Variants in RNF220 observed in about 807,000 individuals in gnomAD.
The protein encoded by RNF220 is ring finger protein 220.
Under a neutral mutation model 67.1 loss-of-function variants are expected in RNF220, and 7 were observed. The ratio of observed to expected loss-of-function variants is 0.10; its 90% CI spans 0.06 to 0.20. The LOEUF is 0.20. Ranked by LOEUF, RNF220 falls within the 10% of genes least tolerant of loss-of-function variation. The pLI is 1.00. For synonymous variants in RNF220, 270 were observed against 283.2 expected (o/e 0.95, Z 0.47); for missense variants, 565 against 740.3 (o/e 0.76, Z 2.75).
At chr1:44,638,511 A>G (rs1179165453) in intron 8 of RNF220, 2 of 152,240 alleles carry the variant, frequency 1.3e-5, no homozygotes, top group Non-Finnish European at 2.9e-5. Context: ...AATTGCAGAT[A>G]AGTTCCTGTA....
At chr1:44,570,990 C>A (rs965393221) in intron 2 of RNF220, among the ~76,000 whole-genome samples, 28 of 151,908 alleles carry the variant, frequency 1.8e-4, no homozygotes, top group African/African-American at 6.8e-4. Flanking sequence ...AGGAGAATCG[C>A]TTGAACCCAG....
chr1:44,428,474 T>A (rs914678125), intron 2 of RNF220, among the ~76,000 whole-genome samples: 1 of 152,100 alleles, frequency 6.6e-6, no homozygotes, highest in African/African-American at 2.4e-5. Context: ...GGGGAAAAAA[T>A]TGCTTTTGCT....
At chr1:44,409,956 A>G (rs981775112) in intron 1 of RNF220, among the ~76,000 whole-genome samples, 1 of 152,214 alleles carries the variant, frequency 6.6e-6, no homozygotes, top group African/African-American at 2.4e-5. Context: ...AATGAAGTAA[A>G]AGAGATGTGG....
At chr1:44,508,275 T>C (rs957591344) in intron 2 of RNF220, among the ~76,000 whole-genome samples, 3 of 152,014 alleles carry the variant, frequency 2.0e-5, no homozygotes, top group African/African-American at 7.3e-5. Flanking sequence ...CCTTGGCCCC[T>C]GAGGTCCCAT....
At chr1:44,537,931 T>C (rs1661361433) in intron 2 of RNF220, among the ~76,000 whole-genome samples, 1 of 152,240 alleles carries the variant, frequency 6.6e-6, no homozygotes, top group South Asian at 2.1e-4. Context: ...CCCATGAACC[T>C]TCTCAAGGCG....
chr1:44,539,496 G>A (rs1000675986), intron 2 of RNF220, among the ~76,000 whole-genome samples: 1 of 152,186 alleles, frequency 6.6e-6, no homozygotes, highest in Non-Finnish European at 1.5e-5. Flanking sequence ...AAGGATTCAC[G>A]TAGCCTGGAG....
intron 5 of RNF220, chr1:44,632,029 G>T (rs996191670): frequency 1.9e-6 from 2 of 1,060,166 alleles, no homozygotes; most frequent in Non-Finnish European, 2.3e-6. Flanking sequence ...GGGCAGCCAC[G>T]GGGAATCCGC....
intron 2 of RNF220, among the ~76,000 whole-genome samples, chr1:44,465,047 T>A (rs868348705): frequency 3.9e-5 from 6 of 152,266 alleles, no homozygotes; most frequent in Middle Eastern, 6.8e-3. Flanking sequence ...TTACACAGGG[T>A]CTGACACATA....
At position 44,645,147 on chromosome 1, in the gene RNF220, C is replaced by T. The variant is rs374066027; in HGVS notation, c.1310+66C>T. ...CAGGAAGCCCTGAGGCAGGGGTTAA[C>T]GCAGTACTGACCCTCAGGGCTGTCC... On this transcript the variant is annotated intron_variant, in intron 10 of 14. Coordinates refer to ENST00000361799, the MANE Select transcript of RNF220 (RefSeq NM_018150.4). This position sits in a 1 kb window ranked among gnomAD's most constrained non-coding sequence, Gnocchi z 5.0. The T allele has an allele frequency of 1.7e-4, 281 of 1,611,648 alleles. 1 individual carries two copies. The East Asian group carries it at 3.3e-3, about 19-fold the overall frequency.
At position 44,649,571 on chromosome 1, in the gene RNF220, T is replaced by A; in HGVS notation, c.1446-90T>A. 8.5e-7 allele frequency: 1 copy of A among 1,171,890 alleles called. No homozygotes were observed. The highest frequency in any genetic ancestry group is 1.3e-5 in the South Asian group (1 of 79,632). 72.6% of individuals were successfully genotyped at this position (1,171,890 alleles called of 1,614,324 possible). The stretch of plus-strand genomic sequence containing the variant: ...CAGGGATGCCTAGGGGACATTTATG[T>A]ATTTGGTTCTGGAATTCAAGGGAGG... On this transcript the variant is annotated intron_variant, in intron 12 of 14. Transcript: ENST00000361799. The surrounding 1 kb of genome is among the most constrained non-coding windows in gnomAD (Gnocchi z 5.9).
chr1:44,444,493 T>C (rs1651881034), intron 2 of RNF220, among the ~76,000 whole-genome samples: 1 of 152,132 alleles, frequency 6.6e-6, no homozygotes, highest in Non-Finnish European at 1.5e-5. Flanking sequence ...TCAACTGGAG[T>C]GTGGTGGTGC....
chr1:44,619,490 C>T (rs1048042527), intron 3 of RNF220, among the ~76,000 whole-genome samples: 5 of 152,156 alleles, frequency 3.3e-5, no homozygotes, highest in Admixed American at 2.0e-4. Flanking sequence ...CTTACAAAGG[C>T]GGCTGGTGAT....
chr1:44,496,464 A>AC (rs1233822618), intron 2 of RNF220, among the ~76,000 whole-genome samples: 2 of 152,256 alleles, frequency 1.3e-5, no homozygotes, highest in Non-Finnish European at 2.9e-5. Context: ...AGCTTTGGCT[A>AC]AAGACCTGAG....
At chr1:44,587,439 G>T (rs919291798) in intron 2 of RNF220, among the ~76,000 whole-genome samples, 1 of 152,130 alleles carries the variant, frequency 6.6e-6, no homozygotes, top group African/African-American at 2.4e-5. Context: ...GAGCCACCAC[G>T]CCCGGCCACT....
At chr1:44,555,412 T>C (rs149964644) in intron 2 of RNF220, among the ~76,000 whole-genome samples, 178 of 152,048 alleles carry the variant, frequency 1.2e-3, no homozygotes, top group African/African-American at 4.2e-3. Flanking sequence ...CCAGTCTCAG[T>C]TCCTATGGCC....
At chr1:44,609,679 G>C (rs752134018) in intron 2 of RNF220, among the ~76,000 whole-genome samples, 27 of 152,192 alleles carry the variant, frequency 1.8e-4, no homozygotes, top group Non-Finnish European at 3.5e-4. Flanking sequence ...GCCTTGTTTC[G>C]AGGCGAGAGG....
chr1:44,556,077 C>A (rs1253392868), intron 2 of RNF220, among the ~76,000 whole-genome samples: 3 of 150,546 alleles, frequency 2.0e-5, no homozygotes, highest in Admixed American at 1.3e-4. Flanking sequence ...CTGTGTCGCC[C>A]AGGCTGGAGT....
At chr1:44,470,475 A>G (rs1394929916) in intron 2 of RNF220, among the ~76,000 whole-genome samples, 3 of 152,200 alleles carry the variant, frequency 2.0e-5, no homozygotes, top group African/African-American at 7.2e-5. Context: ...AAGAAAAATA[A>G]AATGGATACA....
At chr1:44,629,763 C>T (rs1057245028) in intron 5 of RNF220, among the ~76,000 whole-genome samples, 2 of 152,170 alleles carry the variant, frequency 1.3e-5, no homozygotes, top group African/African-American at 4.8e-5. Context: ...GTAAGCTTCA[C>T]ACAGGAGGTA....
Sources: gnomAD v4.1 joint callset for allele counts (sites outside exome capture counted in the v4.1 genomes callset) on GRCh38, gnomAD v4.1.1 for gene constraint, Gnocchi (gnomAD v3.1) non-coding constraint, MANE v1.5 for transcripts, NCBI Gene and HGNC (gene_info 2026-07-23, HGNC 2026-07-21) for gene names.